SECISBP2L: variants seen among roughly 807,000 people sequenced by gnomAD.
SECISBP2L encodes the protein SECIS binding protein 2 like.
Under a neutral mutation model 114.7 loss-of-function variants are expected in SECISBP2L, and 43 were observed. The ratio of observed to expected loss-of-function variants is 0.38; its 90% confidence interval spans 0.29 to 0.48. The LOEUF (loss-of-function observed/expected upper bound fraction) is 0.48. SECISBP2L is among the 20% of genes least tolerant of loss of function. The pLI is 0.98. For synonymous variants in SECISBP2L, 451 were observed against 439.7 expected, an observed-to-expected ratio of 1.03 and a Z score of -0.32; for missense variants, 1,136 against 1,301.1, an observed-to-expected ratio of 0.87 and a Z score of 1.95.
At chr15:49,039,529 CT>C (rs1207046596) in intron 1 of SECISBP2L, among the ~76,000 whole-genome samples, 275 of 135,446 alleles carry the variant, frequency 2.0e-3, no homozygotes, top group Non-Finnish European at 2.2e-3. Context: ...TTTTTTCTTT[CT>C]TTTTTTTTTT....
intron 14 of SECISBP2L, among the ~76,000 whole-genome samples, chr15:49,002,346 A>C (rs1044479135): frequency 6.6e-6 from 1 of 152,152 alleles, no homozygotes; most frequent in Non-Finnish European, 1.5e-5. Context: ...GATTCTGGAT[A>C]TTACCCCTTG....
rs1400034008 is a variant in SECISBP2L at position 49,009,336 on chromosome 15, G to T, written c.1907C>A (p.Ala636Glu). 2 of 1,614,092 alleles carry T rather than the reference G, an allele frequency of 1.2e-6. No homozygotes were observed. Among genetic ancestry groups the T allele is most frequent in the Admixed American group, 1.7e-5 (1 of 60,018 alleles). ...SMPSDTSLSP[A>E]SQNSPYCMTP... ...CATACAGTATGGAGAGTTCTGACTT[G>T]CTGGAGAGAGTGAAGTATCACTGGG... Residue 636 changes from alanine (A) to glutamate (E), a missense_variant, in exon 14 of 18, where the codon GCA becomes GAA. Coordinates refer to ENST00000559471, the MANE Select transcript of SECISBP2L (RefSeq NM_001193489.2).
intron 17 of SECISBP2L, among the ~76,000 whole-genome samples, chr15:48,994,156 T>C (rs1902043518): frequency 6.6e-6 from 1 of 152,040 alleles, no homozygotes; most frequent in African/African-American, 2.4e-5. Flanking sequence ...TCTCAGCTAA[T>C]GACATTATCA....
chr15:49,003,952 A>G (rs1902262619), intron 14 of SECISBP2L, among the ~76,000 whole-genome samples: 1 of 152,238 alleles, frequency 6.6e-6, no homozygotes, highest in African/African-American at 2.4e-5. Context: ...TGCTGGCCTC[A>G]TAAAATGAGT....
intron 17 of SECISBP2L, chr15:48,996,132 C>T (rs1218912575): frequency 4.3e-6 from 2 of 464,146 alleles, no homozygotes; most frequent in Non-Finnish European, 7.7e-6. Flanking sequence ...TTTTAAAGCC[C>T]CTGAGGCTTT....
chr15:48,992,573 C>A lies in SECISBP2L; in HGVS notation c.2977G>T (p.Asp993Tyr). 1.9e-6 allele frequency: 3 copies of A among 1,607,066 alleles called. No individual in the cohort carries two copies. Among genetic ancestry groups the A allele is most frequent in the Admixed American group, 3.3e-5 (2 of 59,820 alleles). Residue 993 changes from aspartate (D) to tyrosine (Y), a missense_variant, in exon 18 of 18, where the codon GAT (aspartate) becomes TAT (tyrosine). Asp to Tyr is a radical substitution (Grantham distance 160, BLOSUM62 -3). This residue lies in a region of SECISBP2L where 684 missense variants were observed against 848.7 expected (regional missense o/e 0.81). Coordinates refer to ENST00000559471, the MANE Select transcript of SECISBP2L (RefSeq NM_001193489.2). ...TCTTCCTCCTCCTCCTCATCTTCAT[C>A]TTCTTCTTCTTCAAGCATGCCAGGT... ...LVPGMLEEEEDEDEEEEEDYT... is the reference protein window; with the variant it reads ...LVPGMLEEEEYEDEEEEEDYT...
At chr15:49,039,033 C>G (rs7180646) in intron 1 of SECISBP2L, among the ~76,000 whole-genome samples, 126,400 of 152,090 alleles carry the variant, frequency 0.83, 53,924 homozygotes, top group East Asian at 0.94. Flanking sequence ...GAAAAATTAA[C>G]TTCTCTAAAA....
chr15:48,996,175 G>A (rs557193802), intron 17 of SECISBP2L, among the ~76,000 whole-genome samples, 192 bp downstream of exon 17: 2 of 152,192 alleles, frequency 1.3e-5, no homozygotes, highest in South Asian at 4.1e-4. Flanking sequence ...TTAAATTCTG[G>A]GGTCTCATAA....
At chr15:48,999,799 G>A (rs1299418701) in intron 16 of SECISBP2L, 34 bp downstream of exon 16, 1 of 1,598,296 alleles carries the variant, frequency 6.3e-7, no homozygotes, top group South Asian at 1.1e-5. Flanking sequence ...GGGATGTGCT[G>A]GAGAGCAAGA....
chr15:49,002,202 T>C (rs892547336), intron 14 of SECISBP2L, among the ~76,000 whole-genome samples: 7 of 152,256 alleles, frequency 4.6e-5, no homozygotes, highest in Non-Finnish European at 8.8e-5. Flanking sequence ...ATTTCTCTAA[T>C]GACCAGTGAT....
rs1013177813 is a variant in SECISBP2L at position 48,991,028 on chromosome 15, C to A, written c.*1216G>T. 1.3e-5 allele frequency: 2 copies of A among 152,112 alleles called. No individual in the cohort carries two copies. Among genetic ancestry groups the A allele is most frequent in the Admixed American group, 6.5e-5 (1 of 15,276 alleles). 9.4% of individuals were successfully genotyped at this position (152,112 alleles called of 1,614,324 possible). A position where few individuals can be genotyped will look rare whatever the true frequency, so the allele number is the denominator to read the frequency against. On this transcript the variant is annotated 3_prime_UTR_variant, in exon 18 of 18. Coordinates refer to ENST00000559471, the MANE Select transcript of SECISBP2L (RefSeq NM_001193489.2). ...TGTCTCCTAAGCAGGTATACAAACTCCTAGAGAAGGGCAGAGATAAATAAT... is the reference window on the plus strand; with the variant it reads ...TGTCTCCTAAGCAGGTATACAAACTACTAGAGAAGGGCAGAGATAAATAAT...
chr15:49,018,149 A>C (rs950308678), intron 8 of SECISBP2L, among the ~76,000 whole-genome samples: 2 of 152,206 alleles, frequency 1.3e-5, no homozygotes, highest in Non-Finnish European at 2.9e-5. Flanking sequence ...GAGTACATGT[A>C]CTACAATTGC....
intron 16 of SECISBP2L, among the ~76,000 whole-genome samples, chr15:48,998,231 G>A (rs917409280): frequency 6.6e-6 from 1 of 152,198 alleles, no homozygotes; most frequent in Middle Eastern, 3.2e-3. Flanking sequence ...AAAAATATAA[G>A]TAGCATCCTT....
chr15:48,992,702 C>A lies in SECISBP2L; in HGVS notation c.2848G>T (p.Asp950Tyr), dbSNP rs1398558511. The A allele has an allele frequency of 6.2e-7, 1 of 1,614,210 alleles. No individual in the cohort carries two copies. The highest frequency in any genetic ancestry group is 1.1e-5 in the South Asian group (1 of 91,086). Residue 950 changes from aspartate to tyrosine, a missense_variant, in exon 18 of 18, where the codon GAC becomes TAC. Around this residue, in one of 2 missense-constraint regions of SECISBP2L, gnomAD observed 684 missense variants for 848.7 expected, o/e 0.81. Transcript: ENST00000559471. ...ASDKEEVKPD[D>Y]LEWASQQSTE... ...CTCTGCTGTGAGGCCCATTCCAGGTCATCTGGCTTCACTTCCTCTTTATCA... is the reference window on the plus strand; with the variant it reads ...CTCTGCTGTGAGGCCCATTCCAGGTAATCTGGCTTCACTTCCTCTTTATCA...
chr15:49,010,037 G>T (rs1902404350), intron 13 of SECISBP2L, among the ~76,000 whole-genome samples: 1 of 151,690 alleles, frequency 6.6e-6, no homozygotes, highest in Admixed American at 6.6e-5. Context: ...GGAGGCTAAG[G>T]CAGGAGAATC....
Position 49,033,006 on chromosome 15 carries a change from C to G in SECISBP2L, c.623G>C (p.Arg208Pro). Residue 208 changes from arginine to proline, a missense_variant, in exon 4 of 18, where the codon CGA becomes CCA. Around this residue, in one of 2 missense-constraint regions of SECISBP2L, gnomAD observed 452 missense variants for 452.3 expected, o/e 1.00. Transcript: ENST00000559471. ...KETNAAGPDS[R>P]SKIVLLVDAS... is the part of the protein sequence containing the mutation. Reference sequence around the variant, plus strand: ...ATCTACCAGAAGCACAATTTTTGATCGACTATCAGGACCTGCTGCATTTGT... The same window carrying G: ...ATCTACCAGAAGCACAATTTTTGATGGACTATCAGGACCTGCTGCATTTGT... 1 of 1,613,886 alleles carries G rather than the reference C, an allele frequency of 6.2e-7. No individual in the cohort carries two copies. The highest frequency in any genetic ancestry group is 8.5e-7 in the Non-Finnish European group (1 of 1,179,912).
chr15:49,040,828 G>A (rs1001955579), intron 1 of SECISBP2L, among the ~76,000 whole-genome samples: 2 of 151,630 alleles, frequency 1.3e-5, no homozygotes, highest in African/African-American at 2.4e-5. Context: ...GTGAGCCACC[G>A]CGCCCGGCCG....
intron 2 of SECISBP2L, 99 bp downstream of exon 2, chr15:49,037,492 T>C: frequency 9.8e-7 from 1 of 1,019,156 alleles, no homozygotes. Flanking sequence ...AATAGAGAAA[T>C]GGTTAAAGTC....
chr15:49,040,524 ATTCTT>A (rs1903101786), intron 1 of SECISBP2L, among the ~76,000 whole-genome samples: 2 of 71,132 alleles, frequency 2.8e-5, no homozygotes, highest in Non-Finnish European at 6.1e-5. Flanking sequence ...ATCCCAAACT[ATTCTT>A]TTTTTTTTTT....
Sources: gnomAD v4.1 joint callset for allele counts (sites outside exome capture counted in the v4.1 genomes callset) on GRCh38, gnomAD v4.1.1 for gene constraint, gnomAD v4.1.1 regional missense constraint, MANE v1.5 for transcripts, NCBI Gene and HGNC (gene_info 2026-07-23, HGNC 2026-07-21) for gene names.